CALCRL: variants seen among roughly 807,000 people sequenced by gnomAD.
The protein encoded by CALCRL is calcitonin gene-related peptide type 1 receptor.
CALCRL carries 27 observed loss-of-function variants against 60.4 expected under a neutral mutation model. The ratio of observed to expected loss-of-function variants is 0.45; its 90% CI spans 0.33 to 0.62. The LOEUF (loss-of-function observed/expected upper bound fraction) is 0.62. CALCRL is among the 20% of genes least tolerant of loss of function. CALCRL has a pLI of 0.03. For synonymous variants in CALCRL, 190 were observed against 182.6 expected, an observed-to-expected ratio of 1.04 and a Z score of -0.33; for missense variants, 424 against 540.7, an observed-to-expected ratio of 0.78 and a Z score of 2.14.
At chr2:187,359,337 T>C (rs1452480083) in intron 10 of CALCRL, 65 bp from the exon 11 acceptor site, 3 of 1,137,156 alleles carry the variant, frequency 2.6e-6, no homozygotes, top group African/African-American at 3.2e-5. Context: ...TTCAAAAATA[T>C]GTAATTAAAT....
intron 14 of CALCRL, among the ~76,000 whole-genome samples, chr2:187,348,095 T>C (rs1686361975): frequency 6.6e-6 from 1 of 151,710 alleles, no homozygotes; most frequent in Non-Finnish European, 1.5e-5. Flanking sequence ...TTATTTATCT[T>C]GCAAAAATTA....
At position 187,360,614 on chromosome 2, in the gene CALCRL, A is replaced by G. The variant is rs199643548; in HGVS notation, c.765T>C (p.Tyr255=). ...VFAEKQHLMW[Y]YFLGWGFPLI... is the part of the protein sequence containing the mutation. ...AACACTTACCCCAGCCAAGAAAATA[A>G]TACCACATTAAATGTTGCTTCTCTG... Residue 255 remains tyrosine (Y), a synonymous_variant, in exon 10 of 15, where the codon TAT becomes TAC. Coordinates refer to ENST00000392370, the MANE Select transcript of CALCRL (RefSeq NM_005795.6). 19 of 1,611,170 alleles carry G rather than the reference A, an allele frequency of 1.2e-5. No homozygotes were observed. The East Asian group carries it at 3.1e-4, about 26-fold the overall frequency.
rs1390276737 is a variant in CALCRL, at chr2:187,341,997, TA to T, written c.*4186del. ...TATATTATTTATAATAACCAAAAGGTAAAAGCAAAACAAACATATCCATCAA... is the reference window on the plus strand; with the variant it reads ...TATATTATTTATAATAACCAAAAGGTAAAGCAAAACAAACATATCCATCAA... On this transcript the variant is annotated 3_prime_UTR_variant, in exon 15 of 15. Coordinates refer to ENST00000392370, the MANE Select transcript of CALCRL (RefSeq NM_005795.6). Among the ~76,000 whole-genome samples, 2 of 151,588 alleles carry T rather than the reference TA, an allele frequency of 1.3e-5. No homozygotes were observed. The highest frequency in any genetic ancestry group is 4.8e-5 in the African/African-American group (2 of 41,346).
intron 1 of CALCRL, among the ~76,000 whole-genome samples, chr2:187,435,709 T>C (rs958388799): frequency 1.3e-5 from 2 of 152,172 alleles, no homozygotes; most frequent in African/African-American, 2.4e-5. Context: ...GGATCGGAGA[T>C]GGAGCTGCCT....
intron 8 of CALCRL, among the ~76,000 whole-genome samples, chr2:187,368,223 T>C (rs2105748222): frequency 6.6e-6 from 1 of 152,216 alleles, no homozygotes; most frequent in South Asian, 2.1e-4. Flanking sequence ...AAACACTCCA[T>C]GTTAAGTTAG....
At position 187,345,582 on chromosome 2, in the gene CALCRL, T is replaced by G. The variant is rs948114135; in HGVS notation, c.*602A>C. 1 of 151,810 alleles carries G rather than the reference T, an allele frequency of 6.6e-6. No homozygotes were observed. The highest frequency in any genetic ancestry group is 6.6e-5 in the Admixed American group (1 of 15,158). The allele number at this position is 151,810 out of a possible 1,614,324, so 9.4% of individuals were successfully genotyped here. A position where few individuals can be genotyped will look rare whatever the true frequency, so the allele number is the denominator to read the frequency against. The stretch of plus-strand genomic sequence containing the variant: ...CAGCAAATGAGTAGATCATAACAAT[T>G]GTACTCAGTTGCTTTTCATAGAGAA... On this transcript the variant is annotated 3_prime_UTR_variant, in exon 15 of 15. Coordinates refer to ENST00000392370, the MANE Select transcript of CALCRL (RefSeq NM_005795.6).
chr2:187,427,731 C>T (rs16829016), intron 1 of CALCRL, among the ~76,000 whole-genome samples: 48,135 of 151,844 alleles, frequency 0.32, 7,889 homozygotes, highest in African/African-American at 0.37. Flanking sequence ...TTCTCCTCTC[C>T]ATGAATCAAA....
At chr2:187,350,206 ATC>A (rs1686463065) in intron 14 of CALCRL, among the ~76,000 whole-genome samples, 1 of 151,678 alleles carries the variant, frequency 6.6e-6, no homozygotes, top group Non-Finnish European at 1.5e-5. Context: ...TGGAATTAAA[ATC>A]TGTTTCTGTA....
At chr2:187,369,028 C>G (rs1196823556) in intron 8 of CALCRL, among the ~76,000 whole-genome samples, 2 of 152,010 alleles carry the variant, frequency 1.3e-5, no homozygotes, top group African/African-American at 2.4e-5. Flanking sequence ...TTAGATTAGG[C>G]CAGATTAGAA....
intron 1 of CALCRL, among the ~76,000 whole-genome samples, chr2:187,406,537 AAAGG>A (rs1689136703): frequency 6.6e-6 from 1 of 152,086 alleles, no homozygotes; most frequent in Non-Finnish European, 1.5e-5. Context: ...AAATAAAAGA[AAAGG>A]AAGCATTGAG....
At chr2:187,358,452 C>T (rs1368871565) in intron 12 of CALCRL, among the ~76,000 whole-genome samples, 3 of 152,084 alleles carry the variant, frequency 2.0e-5, no homozygotes, top group African/African-American at 7.2e-5. Flanking sequence ...CATGCACTCA[C>T]ATTAACTGAT....
intron 7 of CALCRL, 42 bp downstream of exon 7, chr2:187,380,424 AC>A (rs1687936397): frequency 1.7e-6 from 2 of 1,143,368 alleles, no homozygotes; most frequent in Non-Finnish European, 2.7e-6. Flanking sequence ...AGCTGTTTAA[AC>A]AGATACTGTA....
At chr2:187,407,522 T>G (rs1193139062) in intron 1 of CALCRL, among the ~76,000 whole-genome samples, 1 of 152,120 alleles carries the variant, frequency 6.6e-6, no homozygotes, top group Non-Finnish European at 1.5e-5. Context: ...TCAAATGAAT[T>G]ATTTCTTTTA....
At chr2:187,409,622 G>C (rs1689271251) in intron 1 of CALCRL, among the ~76,000 whole-genome samples, 1 of 152,158 alleles carries the variant, frequency 6.6e-6, no homozygotes, top group Non-Finnish European at 1.5e-5. Flanking sequence ...GGAAAATAAT[G>C]GTGAATAAAA....
intron 1 of CALCRL, among the ~76,000 whole-genome samples, chr2:187,409,513 A>G (rs1374231102): frequency 6.6e-6 from 1 of 152,226 alleles, no homozygotes; most frequent in African/African-American, 2.4e-5. Context: ...TGAAATTATT[A>G]AATGTCATGC....
intron 5 of CALCRL, 36 bp downstream of exon 5, chr2:187,383,137 T>C (rs776556453): frequency 2.2e-5 from 35 of 1,593,932 alleles, no homozygotes; most frequent in Non-Finnish European, 2.9e-5. Flanking sequence ...TTTAAAAATA[T>C]GTCAAATGCA....
At chr2:187,384,810 G>A (rs559114921) in intron 4 of CALCRL, among the ~76,000 whole-genome samples, 1 of 152,066 alleles carries the variant, frequency 6.6e-6, no homozygotes, top group Non-Finnish European at 1.5e-5. Context: ...ATGTCTCTTG[G>A]TTTTTCATGT....
At chr2:187,421,496 G>A (rs762541087) in intron 1 of CALCRL, among the ~76,000 whole-genome samples, 9 of 152,098 alleles carry the variant, frequency 5.9e-5, no homozygotes, top group East Asian at 1.9e-4. Flanking sequence ...CTAACAGTCC[G>A]ATTTAATTTG....
intron 12 of CALCRL, among the ~76,000 whole-genome samples, chr2:187,358,482 T>C (rs1686898999): frequency 1.3e-5 from 2 of 152,076 alleles, no homozygotes; most frequent in African/African-American, 4.8e-5. Flanking sequence ...AATGTAAAAT[T>C]TGCATAGGTA....
Sources: allele counts gnomAD v4.1 joint callset (sites outside exome capture counted in the v4.1 genomes callset), GRCh38; gene constraint gnomAD v4.1.1; transcripts MANE v1.5; gene names NCBI Gene and HGNC (gene_info 2026-07-23, HGNC 2026-07-21).